ATRNL1: variants seen among roughly 807,000 people sequenced by gnomAD.
The protein encoded by ATRNL1 is attractin like 1.
ATRNL1 carries 95 observed loss-of-function variants against 182.7 expected under a neutral mutation model. That is an observed-to-expected ratio of 0.52 (90% CI 0.44 to 0.62). The LOEUF is 0.62. ATRNL1 is among the 20% of genes least tolerant of loss of function. ATRNL1 has a pLI of 0.00. For missense variants in ATRNL1, 1,471 were observed against 1,679.5 expected (o/e 0.88, Z 2.17); for synonymous variants, 576 against 568.3 (o/e 1.01, Z -0.19).
At chr10:115,331,491 A>G (rs1253937558) in intron 18 of ATRNL1, among the ~76,000 whole-genome samples, 1 of 152,082 alleles carries the variant, frequency 6.6e-6, no homozygotes, top group Non-Finnish European at 1.5e-5. Flanking sequence ...TTGTATTGAC[A>G]TTGCTGATTT....
intron 26 of ATRNL1, among the ~76,000 whole-genome samples, chr10:115,712,812 G>A (rs1947101887): frequency 6.6e-6 from 1 of 151,156 alleles, no homozygotes; most frequent in South Asian, 2.1e-4. Context: ...AGGTTGCAGT[G>A]AGCCAAGATT....
intron 1 of ATRNL1, among the ~76,000 whole-genome samples, chr10:115,095,350 G>A (rs2084984159): frequency 1.4e-5 from 2 of 141,338 alleles, no homozygotes; most frequent in Non-Finnish European, 1.5e-5. Context: ...TTTAAACACA[G>A]CATACTTTCC....
intron 22 of ATRNL1, among the ~76,000 whole-genome samples, chr10:115,463,640 A>G (rs1466600569): frequency 6.6e-6 from 1 of 152,112 alleles, no homozygotes; most frequent in Non-Finnish European, 1.5e-5. Flanking sequence ...AAACTCTGTG[A>G]TTATTAAACA....
chr10:115,537,783 G>A (rs953156680), intron 25 of ATRNL1, among the ~76,000 whole-genome samples: 5 of 152,046 alleles, frequency 3.3e-5, no homozygotes, highest in African/African-American at 9.7e-5. Flanking sequence ...AGTTGTGTGA[G>A]TTTTAACACA....
chr10:115,885,571 A>G (rs1233635165), intron 28 of ATRNL1, among the ~76,000 whole-genome samples: 1 of 152,240 alleles, frequency 6.6e-6, no homozygotes, highest in Non-Finnish European at 1.5e-5. Flanking sequence ...TTCATCGTGG[A>G]AAGTTTGTAA....
rs188242900 is a variant in ATRNL1, at chr10:115,783,905, T to C, written c.3903+56550T>C. On this transcript the variant is annotated intron_variant, in intron 27 of 28. Coordinates refer to ENST00000355044, the MANE Select transcript of ATRNL1 (RefSeq NM_207303.4). ...GCGGGCGCCTGTTGTCCCAGCTACT[T>C]GGGAGGCTGAGGCAGGAGAATCACT... Among the ~76,000 whole-genome samples the C allele has an allele frequency of 9.3e-3, 1,420 of 152,066 alleles. 24 individuals carry two copies. Among genetic ancestry groups the C allele is most frequent in the African/African-American group, 0.033 (1,355 of 41,460 alleles).
intron 27 of ATRNL1, among the ~76,000 whole-genome samples, chr10:115,822,070 A>G (rs1327884738): frequency 2.6e-5 from 4 of 152,192 alleles, no homozygotes; most frequent in African/African-American, 9.6e-5. Flanking sequence ...GGAAATCATA[A>G]CAAACAGTCT....
At chr10:115,937,727 A>T (rs1276369220) in intron 28 of ATRNL1, among the ~76,000 whole-genome samples, 1 of 152,210 alleles carries the variant, frequency 6.6e-6, no homozygotes, top group Non-Finnish European at 1.5e-5. Flanking sequence ...ACATTTAAAC[A>T]TCCCAGCATG....
chr10:115,208,451 G>T (rs1272985811), intron 8 of ATRNL1, among the ~76,000 whole-genome samples: 1 of 152,032 alleles, frequency 6.6e-6, no homozygotes, highest in Non-Finnish European at 1.5e-5. Context: ...CCTTTAAGGG[G>T]TGTTGGACTT....
intron 15 of ATRNL1, among the ~76,000 whole-genome samples, chr10:115,293,716 T>C (rs1853036782): frequency 6.6e-6 from 1 of 152,236 alleles, no homozygotes; most frequent in African/African-American, 2.4e-5. Flanking sequence ...TTCTGAAGGA[T>C]AGCTTTTCTG....
At chr10:115,409,916 G>A (rs1845048167) in intron 20 of ATRNL1, among the ~76,000 whole-genome samples, 1 of 152,102 alleles carries the variant, frequency 6.6e-6, no homozygotes, top group Non-Finnish European at 1.5e-5. Context: ...AATTTATGGG[G>A]AGTTTTTTTT....
At chr10:115,273,744 C>G (rs112910006) in intron 13 of ATRNL1, among the ~76,000 whole-genome samples, 3,401 of 152,284 alleles carry the variant, frequency 0.022, 48 homozygotes, top group South Asian at 0.036. Context: ...ATCTAGGGAA[C>G]TTCTCTTGAA....
At chr10:115,658,732 C>T (rs1860491947) in intron 26 of ATRNL1, among the ~76,000 whole-genome samples, 1 of 152,030 alleles carries the variant, frequency 6.6e-6, no homozygotes, top group Admixed American at 6.6e-5. Flanking sequence ...CTGGCTGTGT[C>T]CTTTGCTGTA....
At chr10:115,839,058 G>A (rs1950744129) in intron 27 of ATRNL1, among the ~76,000 whole-genome samples, 1 of 152,110 alleles carries the variant, frequency 6.6e-6, no homozygotes, top group Non-Finnish European at 1.5e-5. Context: ...TCCTCATTAA[G>A]CATTAAGAAT....
chr10:115,352,387 A>G (rs1856300879), intron 19 of ATRNL1, among the ~76,000 whole-genome samples: 1 of 151,894 alleles, frequency 6.6e-6, no homozygotes, highest in South Asian at 2.1e-4. Flanking sequence ...TCTAAGATGC[A>G]CTATTAAGTG....
At chr10:115,910,514 G>A (rs926070017) in intron 28 of ATRNL1, among the ~76,000 whole-genome samples, 2 of 151,968 alleles carry the variant, frequency 1.3e-5, no homozygotes, top group Non-Finnish European at 2.9e-5. Context: ...CAGGCAGTCC[G>A]TGCTCAGCAG....
At chr10:115,566,343 TTTA>T (rs1555001826) in intron 26 of ATRNL1, among the ~76,000 whole-genome samples, 1 of 152,178 alleles carries the variant, frequency 6.6e-6, no homozygotes, top group South Asian at 2.1e-4. Context: ...ATGTGGACAA[TTTA>T]TTATTACTTT....
chr10:115,176,880 T>G (rs1189017704), intron 8 of ATRNL1, among the ~76,000 whole-genome samples: 3 of 152,100 alleles, frequency 2.0e-5, no homozygotes. Context: ...TGTGTACACT[T>G]TCTAGTAAAG....
intron 26 of ATRNL1, among the ~76,000 whole-genome samples, chr10:115,725,031 A>G (rs1358989176): frequency 6.6e-6 from 1 of 152,130 alleles, no homozygotes; most frequent in Non-Finnish European, 1.5e-5. Flanking sequence ...TTATTTGTCT[A>G]ATTCTTTATT....
Sources: allele counts gnomAD v4.1 joint callset (sites outside exome capture counted in the v4.1 genomes callset), GRCh38; gene constraint gnomAD v4.1.1; transcripts MANE v1.5; gene names NCBI Gene and HGNC (gene_info 2026-07-23, HGNC 2026-07-21).